The following RBMS3 variants were observed in gnomAD, a reference collection of about 807,000 sequenced individuals.
RBMS3 encodes RNA-binding motif, single-stranded-interacting protein 3.
Under a neutral mutation model 66.8 loss-of-function variants are expected in RBMS3, and 27 were observed. The observed-to-expected ratio is 0.40, with a 90% CI of 0.30 to 0.56. The LOEUF (loss-of-function observed/expected upper bound fraction) is 0.56, where lower values mean the gene tolerates loss of function less well. RBMS3 is among the 20% of genes least tolerant of loss of function. The pLI is 0.40. For synonymous variants in RBMS3, 188 were observed against 183.0 expected (o/e 1.03, Z -0.22); for missense variants, 513 against 549.5 (o/e 0.93, Z 0.66).
At chr3:29,503,825 T>A (rs1405910025) in intron 3 of RBMS3, among the ~76,000 whole-genome samples, 1 of 152,114 alleles carries the variant, frequency 6.6e-6, no homozygotes, top group Admixed American at 6.6e-5. Flanking sequence ...AAAAATAACA[T>A]CCTATGTGGC....
chr3:29,472,340 C>T (rs961972465), intron 2 of RBMS3, among the ~76,000 whole-genome samples: 14 of 152,064 alleles, frequency 9.2e-5, no homozygotes, highest in East Asian at 7.8e-4. Context: ...GGATTACAGG[C>T]GCCCGCCATC....
intron 3 of RBMS3, among the ~76,000 whole-genome samples, chr3:29,516,404 TG>T (rs1296159502): frequency 6.6e-6 from 1 of 152,036 alleles, no homozygotes; most frequent in African/African-American, 2.4e-5. Context: ...ACACATAGAG[TG>T]GCATAAAGCC....
chr3:29,730,859 G>A (rs1559614244), intron 4 of RBMS3: 3 of 981,982 alleles, frequency 3.1e-6, no homozygotes, highest in Non-Finnish European at 2.4e-6. Flanking sequence ...TCTCAATATT[G>A]TAAAATGTTA....
chr3:29,578,962 C>T (rs113975659), intron 3 of RBMS3, among the ~76,000 whole-genome samples: 2,259 of 144,216 alleles, frequency 0.016, 61 homozygotes, highest in Admixed American at 0.034. Context: ...CCACCGCGCC[C>T]GGCTAATTTT....
intron 1 of RBMS3, among the ~76,000 whole-genome samples, chr3:29,372,844 C>T (rs1198655727): frequency 1.3e-5 from 2 of 150,608 alleles, no homozygotes; most frequent in African/African-American, 4.9e-5. Flanking sequence ...GATAATAGAA[C>T]CTGCCTAATA....
chr3:29,909,139 A>G (rs2060457264), intron 10 of RBMS3, among the ~76,000 whole-genome samples: 1 of 152,122 alleles, frequency 6.6e-6, no homozygotes, highest in South Asian at 2.1e-4. Context: ...AAATGTTTAT[A>G]TTAGAGAACG....
At chr3:29,705,177 T>A (rs2052824522) in intron 4 of RBMS3, among the ~76,000 whole-genome samples, 1 of 152,200 alleles carries the variant, frequency 6.6e-6, no homozygotes, top group African/African-American at 2.4e-5. Flanking sequence ...CATTGCAGGG[T>A]AAGGAGTTGA....
At chr3:29,638,298 A>G (rs1033983444) in intron 4 of RBMS3, among the ~76,000 whole-genome samples, 19 of 151,788 alleles carry the variant, frequency 1.3e-4, no homozygotes, top group Middle Eastern at 6.8e-3. Context: ...AAGGAATATC[A>G]TCCTCTGGAA....
chr3:29,575,454 T>G (rs13062140), intron 3 of RBMS3, among the ~76,000 whole-genome samples: 2,727 of 152,196 alleles, frequency 0.018, 26 homozygotes, highest in Non-Finnish European at 0.024. Context: ...TTTGGAGGTT[T>G]GATTATTAGA....
At chr3:29,525,461 T>G (rs754867458) in intron 3 of RBMS3, among the ~76,000 whole-genome samples, 1 of 152,168 alleles carries the variant, frequency 6.6e-6, no homozygotes, top group Non-Finnish European at 1.5e-5. Context: ...CAGCTGGCCC[T>G]CCATCAAGCT....
At chr3:29,888,715 A>G (rs2059930359) in intron 8 of RBMS3, among the ~76,000 whole-genome samples, 1 of 151,646 alleles carries the variant, frequency 6.6e-6, no homozygotes, top group Non-Finnish European at 1.5e-5. Flanking sequence ...AATTCAAACA[A>G]AACGCACATA....
At chr3:29,476,018 T>C (rs2042935574) in intron 2 of RBMS3, among the ~76,000 whole-genome samples, 1 of 152,148 alleles carries the variant, frequency 6.6e-6, no homozygotes. Context: ...CCTAGGTGTG[T>C]TCTTTGTCAT....
intron 4 of RBMS3, among the ~76,000 whole-genome samples, chr3:29,715,473 G>C (rs370687685): frequency 6.6e-6 from 1 of 151,776 alleles, no homozygotes; most frequent in Admixed American, 6.6e-5. Flanking sequence ...CCAAATTTCC[G>C]CCTTCAATTT....
At chr3:29,356,944 G>T (rs146289437) in intron 1 of RBMS3, among the ~76,000 whole-genome samples, 191 of 152,204 alleles carry the variant, frequency 1.3e-3, no homozygotes, top group South Asian at 4.4e-3. Flanking sequence ...TACATCGAGT[G>T]CAGCTTTACA....
intron 1 of RBMS3, among the ~76,000 whole-genome samples, chr3:29,405,250 CTG>C (rs990095671): frequency 6.6e-6 from 1 of 152,120 alleles, no homozygotes; most frequent in African/African-American, 2.4e-5. Context: ...AAAACTTTCT[CTG>C]AGAAGACAGA....
intron 6 of RBMS3, among the ~76,000 whole-genome samples, chr3:29,779,867 T>C (rs2056566637): frequency 6.6e-6 from 1 of 151,054 alleles, no homozygotes; most frequent in Non-Finnish European, 1.5e-5. Flanking sequence ...AGTAAGCTTT[T>C]TTTTTTAATT....
intron 12 of RBMS3, among the ~76,000 whole-genome samples, chr3:29,947,897 A>C (rs752003595): frequency 1.3e-4 from 20 of 151,152 alleles, no homozygotes; most frequent in Non-Finnish European, 1.5e-4. Flanking sequence ...TAGAGAACTA[A>C]AGTAGAATCA....
At chr3:29,699,730 G>T (rs549078787) in intron 4 of RBMS3, among the ~76,000 whole-genome samples, 1 of 152,088 alleles carries the variant, frequency 6.6e-6, no homozygotes, top group African/African-American at 2.4e-5. Context: ...TATCCATAAC[G>T]TACAGACATA....
At chr3:29,334,985 T>C (rs1419776092) in intron 1 of RBMS3, among the ~76,000 whole-genome samples, 3 of 152,220 alleles carry the variant, frequency 2.0e-5, no homozygotes, top group Non-Finnish European at 2.9e-5. Context: ...CATTGTTTGA[T>C]GACAAATACT....
Sources: gnomAD v4.1 joint callset for allele counts (sites outside exome capture counted in the v4.1 genomes callset) on GRCh38, gnomAD v4.1.1 for gene constraint, MANE v1.5 for transcripts, NCBI Gene and HGNC (gene_info 2026-07-23, HGNC 2026-07-21) for gene names.